The following HMGXB3 variants were observed in gnomAD, a reference collection of about 807,000 sequenced individuals.
The protein encoded by HMGXB3 is HMG domain-containing protein 3.
HMGXB3 carries 45 observed loss-of-function variants against 121.5 expected under a neutral mutation model. The ratio of observed to expected loss-of-function variants is 0.37; its 90% CI spans 0.29 to 0.47. The LOEUF (loss-of-function observed/expected upper bound fraction) is 0.47. Among genes scored for constraint, HMGXB3 ranks in the 20% least tolerant of loss-of-function variants. The pLI is 0.99. For synonymous variants in HMGXB3, 590 were observed against 624.1 expected (o/e 0.95, Z 0.81); for missense variants, 1,376 against 1,602.2 (o/e 0.86, Z 2.41).
intron 9 of HMGXB3, among the ~76,000 whole-genome samples, chr5:150,028,531 G>T (rs1440674491): frequency 1.6e-5 from 1 of 63,068 alleles, no homozygotes; most frequent in Non-Finnish European, 2.9e-5. Context: ...GTGTGTGTGT[G>T]TGTGTGTGTG....
intron 6 of HMGXB3, among the ~76,000 whole-genome samples, chr5:150,022,211 C>G (rs7737212): frequency 0.013 from 2,011 of 152,284 alleles, 34 homozygotes; most frequent in African/African-American, 0.047. Flanking sequence ...AATAAGATTT[C>G]TTGAATTCTG....
At position 150,040,728 on chromosome 5, in the gene HMGXB3, T is replaced by G. The variant is rs1223402030; in HGVS notation, c.2414-20T>G. 2 of 1,548,124 alleles carry G rather than the reference T, an allele frequency of 1.3e-6. No homozygotes were observed. The highest frequency in any genetic ancestry group is 8.7e-7 in the Non-Finnish European group (1 of 1,145,800). On this transcript the variant is annotated intron_variant, in intron 13 of 19. Coordinates refer to ENST00000502717, the MANE Select transcript of HMGXB3 (RefSeq NM_014983.3). The stretch of plus-strand genomic sequence containing the variant: ...GTGTATGATACATTAATTTCCTTGT[T>G]GCCTCTTCTTAACCTGCAGGTCTCT...
Position 150,010,436 on chromosome 5 carries a change from A to G in HMGXB3, c.638A>G (p.Asp213Gly). 2.6e-6 allele frequency: 4 copies of G among 1,551,670 alleles called. No homozygotes were observed. Among genetic ancestry groups the G allele is most frequent in the Non-Finnish European group, 3.5e-6 (4 of 1,146,984 alleles). ...EIATSEILSQ[D>G]VLLEDASLEV... ...GCCACCTCAGAGATCCTCAGCCAGG[A>G]TGTGCTCCTAGAGGACGCTTCCCTA... The change falls in exon 4 of 20, where the codon GAT becomes GGT. Residue 213 changes from aspartate to glycine, a missense_variant. Coordinates refer to ENST00000502717, the MANE Select transcript of HMGXB3 (RefSeq NM_014983.3).
chr5:150,010,373 TG>T lies in HMGXB3; in HGVS notation c.578del (p.Gly193GlufsTer24). 1 of 1,551,064 alleles carries T rather than the reference TG, an allele frequency of 6.4e-7. No individual in the cohort carries two copies. The highest frequency in any genetic ancestry group is 8.7e-7 in the Non-Finnish European group (1 of 1,146,874). On this transcript the variant is annotated frameshift_variant, in exon 4 of 20. Coordinates refer to ENST00000502717, the MANE Select transcript of HMGXB3 (RefSeq NM_014983.3). ...CLAVEALAEEVGALTQSGAVQ... is the reference protein window; with the variant it reads ...CLAVEALAEEXGALTQSGAVQ... ...GCTGTGGAGGCCCTGGCTGAGGAGGTGGGAGCCCTTACCCAGTCAGGTGCTG... is the reference window on the plus strand; with the variant it reads ...GCTGTGGAGGCCCTGGCTGAGGAGGTGGAGCCCTTACCCAGTCAGGTGCTG...
At chr5:150,023,558 C>T (rs1756153290) in intron 6 of HMGXB3, among the ~76,000 whole-genome samples, 1 of 152,146 alleles carries the variant, frequency 6.6e-6, no homozygotes, top group Non-Finnish European at 1.5e-5. Flanking sequence ...ATATATAATA[C>T]TATTATTTCC....
At chr5:150,020,148 A>C (rs536607160) in intron 6 of HMGXB3, among the ~76,000 whole-genome samples, 1 of 152,362 alleles carries the variant, frequency 6.6e-6, no homozygotes, top group Middle Eastern at 3.4e-3. Context: ...TTTCTGGTAC[A>C]TATTAAATCC....
At chr5:150,001,738 A>G (rs542716544) in intron 1 of HMGXB3, among the ~76,000 whole-genome samples, 12 of 152,302 alleles carry the variant, frequency 7.9e-5, no homozygotes, top group Admixed American at 7.8e-4. Context: ...TCAGGCTTAG[A>G]ACAGGGTAAT....
In HMGXB3 at chr5:150,052,353, C is replaced by T. The variant is rs964070118; in HGVS notation, c.*161C>T. 9.6e-5 allele frequency: 61 copies of T among 634,288 alleles called. No homozygotes were observed. The highest frequency in any genetic ancestry group is 1.6e-4 in the Non-Finnish European group (58 of 368,362). 39.3% of individuals were successfully genotyped at this position (634,288 alleles called of 1,614,324 possible). On this transcript the variant is annotated 3_prime_UTR_variant, in exon 20 of 20. Coordinates refer to ENST00000502717, the MANE Select transcript of HMGXB3 (RefSeq NM_014983.3). ...CTTCCATTCCCTGAGCATGGTGGGACCCAGGGTCCTCAGTTCTCAACCCTC... is the reference window on the plus strand; with the variant it reads ...CTTCCATTCCCTGAGCATGGTGGGATCCAGGGTCCTCAGTTCTCAACCCTC...
At chr5:150,024,221 GT>G (rs1434130008) in intron 6 of HMGXB3, 40 bp from the exon 7 acceptor site, 1 of 1,422,070 alleles carries the variant, frequency 7.0e-7, no homozygotes, top group African/African-American at 1.5e-5. Flanking sequence ...GTCATCAACT[GT>G]AAAATCCCTT....
chr5:150,001,775 T>G (rs182348746), intron 1 of HMGXB3, among the ~76,000 whole-genome samples: 81 of 152,332 alleles, frequency 5.3e-4, no homozygotes, highest in Non-Finnish European at 1.0e-3. Context: ...TAGGGTGTTG[T>G]CTTCCTGCCC....
chr5:150,027,166 CCA>C (rs1233680773), intron 9 of HMGXB3, 49 bp downstream of exon 9: 20 of 1,455,764 alleles, frequency 1.4e-5, no homozygotes, highest in Non-Finnish European at 1.9e-5. Context: ...CTGGCTGCTT[CCA>C]TGTAATGTAT....
At chr5:150,051,291 A>G (rs1488144899) in intron 19 of HMGXB3, among the ~76,000 whole-genome samples, 1 of 151,984 alleles carries the variant, frequency 6.6e-6, no homozygotes, top group East Asian at 1.9e-4. Context: ...GGGAAGAATA[A>G]CAAAGGTTGA....
At chr5:150,003,519 A>G (rs1383259956) in intron 1 of HMGXB3, among the ~76,000 whole-genome samples, 1 of 152,112 alleles carries the variant, frequency 6.6e-6, no homozygotes, top group Non-Finnish European at 1.5e-5. Context: ...CTGAGGTAAG[A>G]GGATCGCTTG....
At chr5:150,044,276 G>A (rs75160979) in intron 15 of HMGXB3, among the ~76,000 whole-genome samples, 4,589 of 152,244 alleles carry the variant, frequency 0.03, 222 homozygotes, top group African/African-American at 0.1. Context: ...CCCCTCTCTC[G>A]GAGTTGTATA....
At position 150,012,266 on chromosome 5, in the gene HMGXB3, G is replaced by T; in HGVS notation, c.822G>T (p.Glu274Asp). The T allele has an allele frequency of 2.6e-6, 4 of 1,552,062 alleles. No individual in the cohort carries two copies. Among genetic ancestry groups the T allele is most frequent in the Non-Finnish European group, 2.6e-6 (3 of 1,146,906 alleles). The part of the protein sequence containing the change: ...SVVTVMRDSS[E>D]SSSSAPATQF... Reference sequence around the variant, plus strand: ...TTCATTGCCCATAGGATTCCAGTGAGAGTAGCTCCTCTGCACCAGCCACAC... The same window carrying T: ...TTCATTGCCCATAGGATTCCAGTGATAGTAGCTCCTCTGCACCAGCCACAC... Residue 274 changes from glutamate (E) to aspartate (D), a missense_variant, in exon 5 of 20, where the codon GAG (glutamate) becomes GAT (aspartate). By Grantham distance (45) the Glu-to-Asp change is conservative (BLOSUM62 2). Coordinates refer to ENST00000502717, the MANE Select transcript of HMGXB3 (RefSeq NM_014983.3).
chr5:150,014,466 G>A (rs1431426638), intron 5 of HMGXB3, among the ~76,000 whole-genome samples: 2 of 152,152 alleles, frequency 1.3e-5, no homozygotes, highest in Admixed American at 6.5e-5. Flanking sequence ...CGATACTTTC[G>A]ATAGGTACAG....
intron 6 of HMGXB3, among the ~76,000 whole-genome samples, chr5:150,020,797 T>C (rs2113737483): frequency 1.3e-5 from 2 of 150,936 alleles, no homozygotes; most frequent in South Asian, 4.2e-4. Context: ...CCAGGCTGGA[T>C]AGCACGATCT....
At chr5:150,040,905 C>T in intron 14 of HMGXB3, 26 bp downstream of exon 14, 1 of 1,536,526 alleles carries the variant, frequency 6.5e-7, no homozygotes, top group Non-Finnish European at 8.8e-7. Context: ...TTCCCTTTCC[C>T]AAGGTTAGTC....
chr5:150,027,026 C>T lies in HMGXB3; in HGVS notation c.1643C>T (p.Thr548Ile), dbSNP rs1756248628. 3 of 1,551,490 alleles carry T rather than the reference C, an allele frequency of 1.9e-6. No individual in the cohort carries two copies. Among genetic ancestry groups the T allele is most frequent in the Admixed American group, 3.9e-5 (2 of 50,978 alleles). ...ARQAFSLSDKTPSVRTCGLKP... is the reference protein window; with the variant it reads ...ARQAFSLSDKIPSVRTCGLKP... ...TGGCTCCTGGTTCTCTCAGATAAGA[C>T]TCCCTCTGTGAGGACTTGTGGTCTG... The change falls in exon 9 of 20, where the codon ACT becomes ATT. Residue 548 changes from threonine to isoleucine, a missense_variant. By Grantham distance (89) the Thr-to-Ile change is moderately conservative (BLOSUM62 -1). Coordinates refer to ENST00000502717, the MANE Select transcript of HMGXB3 (RefSeq NM_014983.3).
Sources: gnomAD v4.1 joint callset for allele counts (sites outside exome capture counted in the v4.1 genomes callset) on GRCh38, gnomAD v4.1.1 for gene constraint, MANE v1.5 for transcripts, NCBI Gene and HGNC (gene_info 2026-07-23, HGNC 2026-07-21) for gene names.